The following DAOA variants were observed in gnomAD, a reference collection of about 807,000 sequenced individuals.
The protein encoded by DAOA is D-amino acid oxidase regulator.
DAOA carries 15 observed loss-of-function variants against 16.4 expected under a neutral mutation model. That is an observed-to-expected ratio of 0.91 (90% CI 0.61 to 1.41). DAOA has a LOEUF of 1.41. DAOA is among the 40% of genes most tolerant of loss of function. The pLI is 0.00. For missense variants in DAOA, 230 were observed against 176.8 expected (o/e 1.30, Z -1.71); for synonymous variants, 75 against 59.1 (o/e 1.27, Z -1.23).
At chr13:105,466,430 G>A (rs1394099295) in intron 2 of DAOA, 98 bp downstream of exon 2, 18 of 1,586,212 alleles carry the variant, frequency 1.1e-5, no homozygotes, top group Non-Finnish European at 1.5e-5. Context: ...CCTGGAGACA[G>A]GAAGTGGAAC....
chr13:105,474,982 C>G, intron 4 of DAOA: 5 of 984,662 alleles, frequency 5.1e-6, no homozygotes, highest in Non-Finnish European at 6.0e-6. Context: ...TCTAGACATT[C>G]CAAGGTGATT....
intron 4 of DAOA, among the ~76,000 whole-genome samples, chr13:105,486,639 A>G (rs2139203706): frequency 6.7e-6 from 1 of 150,120 alleles, no homozygotes; most frequent in South Asian, 2.1e-4. Flanking sequence ...TTCTTTTGAG[A>G]CAGAGTTTCA....
chr13:105,484,272 A>C (rs1225322366), intron 4 of DAOA, among the ~76,000 whole-genome samples: 1 of 151,980 alleles, frequency 6.6e-6, no homozygotes, highest in East Asian at 1.9e-4. Context: ...AAATATACTT[A>C]TTCCCAGTTT....
intron 4 of DAOA, among the ~76,000 whole-genome samples, chr13:105,476,639 C>A (rs1299400272): frequency 1.3e-5 from 2 of 151,778 alleles, no homozygotes; most frequent in African/African-American, 4.8e-5. Context: ...AGAATCCTTC[C>A]TTTACCTCAT....
At chr13:105,471,213 C>A (rs1876932499) in intron 3 of DAOA, among the ~76,000 whole-genome samples, 1 of 152,152 alleles carries the variant, frequency 6.6e-6, no homozygotes, top group African/African-American at 2.4e-5. Flanking sequence ...AAGATGTGAG[C>A]CACCACACCT....
At chr13:105,474,195 G>T (rs919297109) in intron 4 of DAOA, among the ~76,000 whole-genome samples, 1 of 151,960 alleles carries the variant, frequency 6.6e-6, no homozygotes, top group African/African-American at 2.4e-5. Flanking sequence ...GATATGTTGA[G>T]AATAATGCCA....
intron 4 of DAOA, among the ~76,000 whole-genome samples, chr13:105,476,628 A>C: frequency 6.6e-6 from 1 of 152,012 alleles, no homozygotes; most frequent in East Asian, 1.9e-4. Context: ...AAATAATAAA[A>C]AGAATCCTTC....
chr13:105,488,979 A>G (rs1566385723), intron 4 of DAOA, among the ~76,000 whole-genome samples: 1 of 152,200 alleles, frequency 6.6e-6, no homozygotes, highest in Non-Finnish European at 1.5e-5. Context: ...TGGGACACAC[A>G]ACACAGTCAT....
intron 4 of DAOA, among the ~76,000 whole-genome samples, chr13:105,474,820 GT>G (rs1287863626): frequency 1.3e-5 from 2 of 151,778 alleles, no homozygotes; most frequent in East Asian, 3.9e-4. Flanking sequence ...TTGAAGGAGT[GT>G]TTTCACAAGT....
intron 3 of DAOA, among the ~76,000 whole-genome samples, chr13:105,470,012 G>A (rs1430538150): frequency 6.6e-6 from 1 of 151,350 alleles, no homozygotes; most frequent in Non-Finnish European, 1.5e-5. Context: ...TCCAGCTAAT[G>A]GATTTTTACT....
chr13:105,467,370 T>A (rs1239701174), intron 3 of DAOA, among the ~76,000 whole-genome samples: 2 of 152,216 alleles, frequency 1.3e-5, no homozygotes, highest in African/African-American at 4.8e-5. Flanking sequence ...AAAACATATA[T>A]AACTTATGAA....
At chr13:105,476,502 TA>T (rs34460836) in intron 4 of DAOA, among the ~76,000 whole-genome samples, 21,624 of 128,232 alleles carry the variant, frequency 0.17, 1,601 homozygotes, top group Middle Eastern at 0.26. Context: ...CATGAATCTG[TA>T]AAAAAAAAAA....
At chr13:105,484,736 T>A (rs563746298) in intron 4 of DAOA, among the ~76,000 whole-genome samples, 1 of 152,306 alleles carries the variant, frequency 6.6e-6, no homozygotes, top group East Asian at 1.9e-4. Flanking sequence ...ATATAGTTTA[T>A]GATATTGTCT....
intron 4 of DAOA, chr13:105,474,994 T>G: frequency 1.0e-6 from 1 of 985,716 alleles, no homozygotes; most frequent in Non-Finnish European, 1.2e-6. Flanking sequence ...AAGGTGATTC[T>G]AAATGGCAAT....
chr13:105,479,859 G>A (rs1394013666), intron 4 of DAOA, among the ~76,000 whole-genome samples: 1 of 152,138 alleles, frequency 6.6e-6, no homozygotes, highest in East Asian at 1.9e-4. Context: ...TTGGAATTTA[G>A]AAGAAGGGGC....
intron 3 of DAOA, among the ~76,000 whole-genome samples, chr13:105,470,979 G>A (rs945158045): frequency 6.6e-6 from 1 of 152,052 alleles, no homozygotes; most frequent in Non-Finnish European, 1.5e-5. Flanking sequence ...TAGTACAGAT[G>A]GGGTTTCATC....
At chr13:105,476,289 CT>C (rs1877323845) in intron 4 of DAOA, among the ~76,000 whole-genome samples, 1 of 152,010 alleles carries the variant, frequency 6.6e-6, no homozygotes, top group African/African-American at 2.4e-5. Context: ...TTTTTTCCTT[CT>C]CCCTCTCAAC....
At chr13:105,475,929 T>C (rs1444067517) in intron 4 of DAOA, among the ~76,000 whole-genome samples, 3 of 152,126 alleles carry the variant, frequency 2.0e-5, no homozygotes, top group African/African-American at 7.2e-5. Flanking sequence ...TTTGTGTGTT[T>C]TGCATAAAGA....
intron 4 of DAOA, among the ~76,000 whole-genome samples, chr13:105,478,835 T>C (rs1486481851): frequency 1.3e-5 from 2 of 152,242 alleles, no homozygotes; most frequent in East Asian, 1.9e-4. Flanking sequence ...CAAACACCAA[T>C]ACCCATGCCT....
Sources: allele counts gnomAD v4.1 joint callset (sites outside exome capture counted in the v4.1 genomes callset), GRCh38; gene constraint gnomAD v4.1.1; transcripts MANE v1.5; gene names NCBI Gene and HGNC (gene_info 2026-07-23, HGNC 2026-07-21).